Variants in LINGO2 observed in about 807,000 individuals in gnomAD.
LINGO2 encodes the protein leucine-rich repeat and immunoglobulin-like domain-containing nogo receptor-interacting protein 2.
A neutral mutation model predicts 30.6 loss-of-function variants in LINGO2; 14 were observed. The ratio of observed to expected loss-of-function variants is 0.46; its 90% CI spans 0.30 to 0.72. LINGO2 has a LOEUF of 0.72. LINGO2 is among the 30% of genes least tolerant of loss of function. The pLI is 0.07. For missense variants in LINGO2, 729 were observed against 751.7 expected, an observed-to-expected ratio of 0.97 and a Z score of 0.35; for synonymous variants, 317 against 288.5, an observed-to-expected ratio of 1.10 and a Z score of -1.00.
chr9:29,198,395 G>A, the LINGO2 span, among the ~76,000 whole-genome samples: 1 of 152,102 alleles, frequency 6.6e-6, no homozygotes, highest in Non-Finnish European at 1.5e-5. Flanking sequence ...TTTTTGGCTG[G>A]GAGCAGGGGT....
chr9:28,495,624 G>T (rs750987450), intron 1 of LINGO2, among the ~76,000 whole-genome samples: 16 of 152,176 alleles, frequency 1.1e-4, no homozygotes, highest in Non-Finnish European at 1.5e-5. Flanking sequence ...CTGTAGGCTT[G>T]TAGTATAGTT....
the LINGO2 span, among the ~76,000 whole-genome samples, chr9:29,011,638 T>C: frequency 1.3e-5 from 2 of 152,202 alleles, no homozygotes; most frequent in Non-Finnish European, 2.9e-5. Context: ...AAAAGTTTAA[T>C]AGGTGGCCAT....
In LINGO2 at chr9:28,505,741, G is replaced by A. The variant is rs372491560; in HGVS notation, c.-364-29716C>T. ...ACCTGCATTTGTAAACCCTAATTCC[G>A]AGGCTATCATTAGTGAAAATCAGTC... On this transcript the variant is annotated intron_variant, in intron 1 of 5. Transcript: ENST00000379992. 6.2e-4 allele frequency among the ~76,000 whole-genome samples: 94 copies of A among 151,760 alleles called. No homozygotes were observed. The South Asian group carries it at 0.016, about 27-fold the overall frequency.
chr9:27,942,870 A>G, the LINGO2 span: 2 of 146,196 alleles, frequency 1.4e-5, no homozygotes, highest in East Asian at 4.1e-4. Flanking sequence ...ACCACATGGA[A>G]AAAACCTGAA....
chr9:28,104,269 T>TG lies in LINGO2; in HGVS notation c.-86-91865_-86-91864insC, dbSNP rs1430111592. ...CCCCAGTACAAGTTTTTTGTTTGTT[T>TG]TTTTTTTTTTTTTTTTTGCTTTTTT... On this transcript the variant is annotated intron_variant, in intron 4 of 5. Coordinates refer to ENST00000379992, the Ensembl canonical transcript of LINGO2. Among the ~76,000 whole-genome samples, 1,002 of 142,454 alleles carry TG rather than the reference T, an allele frequency of 7.0e-3. 7 individuals are homozygous for TG. The highest frequency in any genetic ancestry group is 0.017 in the African/African-American group (645 of 38,618). The allele number at this position is 142,454 out of a possible 152,430, so 93.5% of individuals were successfully genotyped here. A position where few individuals can be genotyped will look rare whatever the true frequency, so the allele number is the denominator to read the frequency against.
chr9:28,003,294 T>A (rs1016081284), intron 5 of LINGO2, among the ~76,000 whole-genome samples: 1 of 152,040 alleles, frequency 6.6e-6, no homozygotes, highest in Non-Finnish European at 1.5e-5. Flanking sequence ...TGGGTAATTA[T>A]CTCACTCATT....
chr9:28,559,412 T>C (rs1305865830), intron 1 of LINGO2, among the ~76,000 whole-genome samples: 1 of 152,120 alleles, frequency 6.6e-6, no homozygotes, highest in African/African-American at 2.4e-5. Flanking sequence ...TTTGTCTCTC[T>C]CCAGTGGCCT....
At chr9:28,366,188 C>T (rs1463492366) in intron 3 of LINGO2, among the ~76,000 whole-genome samples, 1 of 152,158 alleles carries the variant, frequency 6.6e-6, no homozygotes, top group Non-Finnish European at 1.5e-5. Context: ...GTGGTTGTTG[C>T]ATCTGTGAAG....
At chr9:29,181,944 C>T in the LINGO2 span, among the ~76,000 whole-genome samples, 18 of 152,256 alleles carry the variant, frequency 1.2e-4, no homozygotes, top group African/African-American at 3.8e-4. Context: ...AGACTCCATG[C>T]AGTTTTGAGG....
the LINGO2 span, among the ~76,000 whole-genome samples, chr9:28,849,907 C>A: frequency 1.3e-5 from 2 of 152,002 alleles, no homozygotes; most frequent in Non-Finnish European, 2.9e-5. Flanking sequence ...ACTTGCTGTT[C>A]TATTTCTCTC....
chr9:28,841,595 T>C, the LINGO2 span, among the ~76,000 whole-genome samples: 3 of 151,526 alleles, frequency 2.0e-5, no homozygotes, highest in African/African-American at 7.3e-5. Context: ...GTATATAGTA[T>C]ACCAGAAGAT....
the LINGO2 span, among the ~76,000 whole-genome samples, chr9:28,902,900 C>T: frequency 2.5e-4 from 37 of 151,006 alleles, 1 homozygote; most frequent in Middle Eastern, 3.6e-3. Flanking sequence ...AAGTTTATTG[C>T]GATAAACACC....
chr9:28,388,967 C>G lies in LINGO2; in HGVS notation c.-278-16099G>C, dbSNP rs143407248. Among the ~76,000 whole-genome samples the G allele has an allele frequency of 2.6e-4, 39 of 152,116 alleles. No individual in the cohort carries two copies. In the East Asian group the frequency reaches 7.4e-3, roughly 29 times the overall value. On this transcript the variant is annotated intron_variant, in intron 2 of 5. Coordinates refer to ENST00000379992, the Ensembl canonical transcript of LINGO2. Reference sequence around the variant, plus strand: ...TCAGGATGCAAACCATAAATGAGAACCTACTTGTGGTTACTAAAATTCCTG... The same window carrying G: ...TCAGGATGCAAACCATAAATGAGAAGCTACTTGTGGTTACTAAAATTCCTG...
chr9:28,724,112 G>A, the LINGO2 span, among the ~76,000 whole-genome samples: 3 of 152,140 alleles, frequency 2.0e-5, no homozygotes, highest in Non-Finnish European at 1.5e-5. Flanking sequence ...CAGAGTCAGA[G>A]ATTAGATCTA....
chr9:28,803,173 A>C, the LINGO2 span, among the ~76,000 whole-genome samples: 6 of 152,052 alleles, frequency 3.9e-5, no homozygotes, highest in African/African-American at 1.4e-4. Flanking sequence ...TTGACAGCAC[A>C]CTATAAATCC....
intron 1 of LINGO2, among the ~76,000 whole-genome samples, chr9:28,633,620 A>T (rs1827105419): frequency 6.6e-6 from 1 of 152,160 alleles, no homozygotes; most frequent in Admixed American, 6.6e-5. Flanking sequence ...TCATTTGAAA[A>T]ATTGAGATGT....
the LINGO2 span, among the ~76,000 whole-genome samples, chr9:29,006,741 A>ACAGT: frequency 1.3e-5 from 2 of 152,058 alleles, no homozygotes; most frequent in African/African-American, 2.4e-5. Flanking sequence ...TAAGCATAGT[A>ACAGT]CAGTCGTATC....
At chr9:28,506,408 A>G (rs1320714806) in intron 1 of LINGO2, among the ~76,000 whole-genome samples, 1 of 5,646 alleles carries the variant, frequency 1.8e-4, no homozygotes, top group African/African-American at 2.8e-4. Flanking sequence ...ACATATATAT[A>G]TATATATATA....
chr9:28,189,701 G>GAAGA lies in LINGO2; in HGVS notation c.-87+105506_-87+105507insTCTT, dbSNP rs1554684594. Among the ~76,000 whole-genome samples, 135 of 16,620 alleles carry GAAGA rather than the reference G, an allele frequency of 8.1e-3. 24 individuals carry two copies. Among genetic ancestry groups the GAAGA allele is most frequent in the African/African-American group, 9.6e-3 (55 of 5,704 alleles). The allele number at this position is 16,620 out of a possible 152,430, so 10.9% of individuals were successfully genotyped here. A position where few individuals can be genotyped will look rare whatever the true frequency, so the allele number is the denominator to read the frequency against. The stretch of plus-strand genomic sequence containing the variant: ...GAAGGAAGGGAGGAAGGAAGGGAGG[G>GAAGA]AGGAAGGAAGGAAGGAAGGAAGGTT... On this transcript the variant is annotated intron_variant, in intron 4 of 5. Transcript: ENST00000379992.
Sources: allele counts gnomAD v4.1 joint callset (sites outside exome capture counted in the v4.1 genomes callset), GRCh38; gene constraint gnomAD v4.1.1; transcripts MANE v1.5; gene names NCBI Gene and HGNC (gene_info 2026-07-23, HGNC 2026-07-21).